The following CD8B variants were observed in gnomAD, a reference collection of about 807,000 sequenced individuals.
CD8B encodes CD8 subunit beta.
In CD8B, 6 loss-of-function variants were observed where a neutral mutation model predicts 24.2. The observed-to-expected ratio is 0.25, with a 90% CI of 0.14 to 0.49. The LOEUF (loss-of-function observed/expected upper bound fraction) is 0.49, where lower values mean the gene tolerates loss of function less well. Among genes scored for constraint, CD8B ranks in the 20% least tolerant of loss-of-function variants. The probability of loss-of-function intolerance (pLI) is 0.98; values close to 1 mark genes in which losing one functional copy is unlikely to be tolerated. For synonymous variants in CD8B, 84 were observed against 108.3 expected (o/e 0.78, Z 1.39); for missense variants, 196 against 271.3 (o/e 0.72, Z 1.95).
downstream of CD8B, among the ~76,000 whole-genome samples, chr2:86,833,285 C>G (rs1221919052): frequency 6.7e-6 from 1 of 149,972 alleles, no homozygotes; most frequent in African/African-American, 2.5e-5. Flanking sequence ...ACCTCTGCCT[C>G]CTAGGTTCAA....
At chr2:86,853,642 G>C (rs1034413202) in intron 2 of CD8B, among the ~76,000 whole-genome samples, 3 of 152,074 alleles carry the variant, frequency 2.0e-5, no homozygotes, top group African/African-American at 7.2e-5. Context: ...AGAGAGGAAG[G>C]CTCTGGAGCC....
intron 5 of CD8B, among the ~76,000 whole-genome samples, chr2:86,823,835 T>G (rs911966747): frequency 6.6e-6 from 1 of 152,026 alleles, no homozygotes; most frequent in Non-Finnish European, 1.5e-5. Context: ...GTGCTGTAAG[T>G]GCAGTGACAG....
chr2:86,855,392 T>C (rs1430368061), intron 2 of CD8B, among the ~76,000 whole-genome samples: 3 of 152,154 alleles, frequency 2.0e-5, no homozygotes, highest in African/African-American at 7.2e-5. Context: ...ACAACAACTT[T>C]TGGGGCAGGC....
chr2:86,834,005 TAGAC>T (rs1245165403), downstream of CD8B, among the ~76,000 whole-genome samples: 13 of 152,194 alleles, frequency 8.5e-5, no homozygotes, highest in African/African-American at 2.9e-4. Flanking sequence ...TGGGTATAGA[TAGAC>T]AGCAACTTAT....
chr2:86,845,061 C>G lies in CD8B; in HGVS notation c.584-103G>C, dbSNP rs1475447840. 6 of 1,498,612 alleles carry G rather than the reference C, an allele frequency of 4.0e-6. No individual in the cohort carries two copies. In the East Asian group the frequency reaches 1.5e-4, roughly 37 times the overall value. The allele number at this position is 1,498,612 out of a possible 1,614,324, so 92.8% of individuals were successfully genotyped here. A position where few individuals can be genotyped will look rare whatever the true frequency, so the allele number is the denominator to read the frequency against. On this transcript the variant is annotated intron_variant, in intron 4 of 5. Transcript: ENST00000390655. ...GTCACAGGGGCAGCTGACACCTCAG[C>G]CCACCTCCCTGGTCCCAGACCCTGG...
At chr2:86,854,920 A>G (rs1302080302) in intron 2 of CD8B, among the ~76,000 whole-genome samples, 1 of 152,224 alleles carries the variant, frequency 6.6e-6, no homozygotes, top group Non-Finnish European at 1.5e-5. Flanking sequence ...CAGGAGTCCA[A>G]GACCAGCCTG....
At chr2:86,823,706 T>C (rs1328027892) in intron 5 of CD8B, among the ~76,000 whole-genome samples, 1 of 152,226 alleles carries the variant, frequency 6.6e-6, no homozygotes, top group Non-Finnish European at 1.5e-5. Context: ...TGCTGGGCAC[T>C]GTTCGAGGCA....
At chr2:86,818,579 T>G (rs1674348268) in intron 5 of CD8B, among the ~76,000 whole-genome samples, 1 of 152,236 alleles carries the variant, frequency 6.6e-6, no homozygotes, top group Admixed American at 6.5e-5. Context: ...TAGGGCACCA[T>G]GAACCATGCC....
At chr2:86,850,129 G>C (rs1049220416) in intron 3 of CD8B, among the ~76,000 whole-genome samples, 13 of 152,134 alleles carry the variant, frequency 8.5e-5, no homozygotes, top group Admixed American at 3.3e-4. Flanking sequence ...TGTAGCTACA[G>C]GTCTCCTCTG....
Position 86,861,848 on chromosome 2 carries a change from C to G in CD8B, c.18G>C (p.Trp6Cys), listed in dbSNP as rs767490181. 1.9e-5 allele frequency: 25 copies of G among 1,286,248 alleles called. No individual in the cohort carries two copies. The African/African-American group carries it at 3.1e-4, about 16-fold the overall frequency. 79.7% of individuals were successfully genotyped at this position (1,286,248 alleles called of 1,614,324 possible). A position where few individuals can be genotyped will look rare whatever the true frequency, so the allele number is the denominator to read the frequency against. The change falls in exon 1 of 6, where the codon TGG becomes TGC. Residue 6 changes from tryptophan to cysteine, a missense_variant. Physicochemically the swap from Trp to Cys is radical, Grantham distance 215 (BLOSUM62 -2). Coordinates refer to ENST00000390655, the MANE Select transcript of CD8B (RefSeq NM_004931.5). MRPRL[W>C]LLLAAQLTVL... is the part of the protein sequence containing the mutation. ...CTGTCAGCTGCGCGGCCAAGAGGAG[C>G]CACAGCCGCGGCCGCATCGTGGCGC...
At chr2:86,825,683 A>G (rs753851488) in intron 5 of CD8B, among the ~76,000 whole-genome samples, 7 of 152,196 alleles carry the variant, frequency 4.6e-5, no homozygotes, top group Non-Finnish European at 7.4e-5. Flanking sequence ...GAAGAAGCCA[A>G]CAGAAACTGC....
rs200594911 is a variant in CD8B at position 86,822,302 on chromosome 2, G to C, written c.621-6584C>G. Reference sequence around the variant, plus strand: ...ATGACCTCAGAAAGCAATATCAGAAGCTATCAAAATGTTTATACCTGTATA... The same window carrying C: ...ATGACCTCAGAAAGCAATATCAGAACCTATCAAAATGTTTATACCTGTATA... On this transcript the variant is annotated intron_variant, in intron 5 of 5. Transcript: ENST00000331469. 3,713 of 1,432,128 alleles carry C rather than the reference G, an allele frequency of 2.6e-3. 119 individuals carry two copies. In the South Asian group the frequency reaches 0.043, roughly 17 times the overall value. 88.7% of individuals were successfully genotyped at this position (1,432,128 alleles called of 1,614,324 possible). A position where few individuals can be genotyped will look rare whatever the true frequency, so the allele number is the denominator to read the frequency against.
chr2:86,847,964 T>G (rs903395238), intron 3 of CD8B, among the ~76,000 whole-genome samples: 9 of 152,248 alleles, frequency 5.9e-5, no homozygotes, highest in African/African-American at 2.2e-4. Context: ...TTTCCTTCAC[T>G]TAGTCAATGT....
downstream of CD8B, among the ~76,000 whole-genome samples, chr2:86,834,111 G>A (rs1675070334): frequency 6.6e-6 from 1 of 151,980 alleles, no homozygotes; most frequent in Non-Finnish European, 1.5e-5. Context: ...TATTTATTCT[G>A]ATGCAATGAT....
chr2:86,827,034 T>G (rs1177317198), intron 5 of CD8B, among the ~76,000 whole-genome samples: 2 of 151,966 alleles, frequency 1.3e-5, no homozygotes, highest in African/African-American at 4.8e-5. Context: ...TTGGCCAGGC[T>G]GGTCTCCAAC....
intron 3 of CD8B, among the ~76,000 whole-genome samples, chr2:86,852,667 C>A (rs1676032923): frequency 6.6e-6 from 1 of 152,154 alleles, no homozygotes; most frequent in South Asian, 2.1e-4. Context: ...AAATAAGCCA[C>A]ATTTTGTTAA....
At chr2:86,861,667 A>G (rs974665025) in intron 1 of CD8B, among the ~76,000 whole-genome samples, 156 bp downstream of exon 1, 14 of 152,082 alleles carry the variant, frequency 9.2e-5, no homozygotes, top group Non-Finnish European at 1.5e-4. Context: ...TTCCACCCTT[A>G]GGGACCGTGC....
Position 86,840,272 on chromosome 2 carries a change from C to T in CD8B, c.*2035G>A, listed in dbSNP as rs1024697416. Among the ~76,000 whole-genome samples, 1 of 152,004 alleles carries T rather than the reference C, an allele frequency of 6.6e-6. No individual in the cohort carries two copies. The highest frequency in any genetic ancestry group is 6.6e-5 in the Admixed American group (1 of 15,262). On this transcript the variant is annotated 3_prime_UTR_variant, in exon 6 of 6. Transcript: ENST00000390655. ...ATCTGAGGCCAATTTGTGCTGACTTCTCAAAGCTGGAGCAAACGGAAAACA... is the reference window on the plus strand; with the variant it reads ...ATCTGAGGCCAATTTGTGCTGACTTTTCAAAGCTGGAGCAAACGGAAAACA...
chr2:86,844,799 T>C, intron 5 of CD8B, 123 bp downstream of exon 5: 1 of 1,542,786 alleles, frequency 6.5e-7, no homozygotes, highest in East Asian at 2.5e-5. Flanking sequence ...TGCACTACTA[T>C]GCCCGGCCGA....
Sources: allele counts gnomAD v4.1 joint callset (sites outside exome capture counted in the v4.1 genomes callset), GRCh38; gene constraint gnomAD v4.1.1; transcripts MANE v1.5; gene names NCBI Gene and HGNC (gene_info 2026-07-23, HGNC 2026-07-21).